COL26A1: variants seen among roughly 807,000 people sequenced by gnomAD.
COL26A1 encodes collagen type XXVI alpha 1 chain, also known as collagen alpha-1(XXVI) chain.
A neutral mutation model predicts 59.3 loss-of-function variants in COL26A1; 41 were observed. That is an observed-to-expected ratio of 0.69 (90% CI 0.54 to 0.90). The LOEUF is 0.90. COL26A1 is among the 40% of genes least tolerant of loss of function. The pLI is 0.00. For synonymous variants in COL26A1, 266 were observed against 256.0 expected (o/e 1.04, Z -0.37); for missense variants, 612 against 602.3 (o/e 1.02, Z -0.17).
chr7:101,461,821 G>A (rs1246591423), intron 3 of COL26A1, among the ~76,000 whole-genome samples: 2 of 152,102 alleles, frequency 1.3e-5, no homozygotes, highest in Non-Finnish European at 2.9e-5. Context: ...TAAGTTCAAG[G>A]TCTCGTCCAC....
chr7:101,432,258 A>T (rs1352075060), intron 2 of COL26A1, among the ~76,000 whole-genome samples: 2 of 152,022 alleles, frequency 1.3e-5, no homozygotes, highest in Admixed American at 1.3e-4. Flanking sequence ...CACCATGTCC[A>T]TCCTGATTTA....
At position 101,445,664 on chromosome 7, in the gene COL26A1, G is replaced by A. The variant is rs377509731; in HGVS notation, c.282-2020G>A. On this transcript the variant is annotated intron_variant, in intron 2 of 12. Transcript: ENST00000313669. ...GGAGAATGGCGTGAACCCGGGAGGC[G>A]GAGCTTGCAGTGAGCCGAGATCCCG... 2.6e-3 allele frequency among the ~76,000 whole-genome samples: 379 copies of A among 148,548 alleles called. 1 individual carries two copies. The highest frequency in any genetic ancestry group is 8.8e-3 in the African/African-American group (354 of 40,362).
At chr7:101,419,863 C>A in intron 1 of COL26A1, 114 bp from the exon 2 acceptor site, 2 of 1,097,252 alleles carry the variant, frequency 1.8e-6, no homozygotes, top group Non-Finnish European at 2.6e-6. Flanking sequence ...TCCAAGAGAG[C>A]GAGCCTCCAC....
In COL26A1 at chr7:101,489,862, CTT is replaced by C. The variant is rs1563008343; in HGVS notation, c.385+42077_385+42078del. On this transcript the variant is annotated intron_variant, in intron 3 of 12. Transcript: ENST00000313669. ...TCTTTCTTTCTTTCTTTCTTTCTTT[CTT>C]TCTTTCTTTCTTTCTTTCTTTCTTT... Among the ~76,000 whole-genome samples the C allele has an allele frequency of 6.9e-4, 31 of 44,922 alleles. 1 individual carries two copies. Among genetic ancestry groups the C allele is most frequent in the South Asian group, 3.5e-3 (4 of 1,146 alleles). 29.5% of individuals were successfully genotyped at this position (44,922 alleles called of 152,430 possible).
intron 3 of COL26A1, among the ~76,000 whole-genome samples, chr7:101,507,989 C>T (rs1794848136): frequency 6.6e-6 from 1 of 152,112 alleles, no homozygotes; most frequent in South Asian, 2.1e-4. Flanking sequence ...TTATGAGGAC[C>T]ATGATATGAT....
chr7:101,430,430 A>C (rs1453980402), intron 2 of COL26A1, among the ~76,000 whole-genome samples: 3 of 151,640 alleles, frequency 2.0e-5, no homozygotes, highest in African/African-American at 7.3e-5. Context: ...CTGGGATTAC[A>C]GGCACGCAGC....
intron 2 of COL26A1, among the ~76,000 whole-genome samples, chr7:101,436,085 CCT>C (rs1282492732): frequency 3.3e-5 from 5 of 151,848 alleles, no homozygotes; most frequent in Admixed American, 6.6e-5. Flanking sequence ...GCAGTGGGGG[CCT>C]GTCTGGGCTG....
At chr7:101,540,570 C>G (rs1029556615) in intron 5 of COL26A1, among the ~76,000 whole-genome samples, 1 of 149,714 alleles carries the variant, frequency 6.7e-6, no homozygotes, top group East Asian at 2.0e-4. Flanking sequence ...ACCATCTGGC[C>G]GAGCATAGTG....
At chr7:101,553,185 T>G in intron 10 of COL26A1, 141 bp from the exon 11 acceptor site, 1 of 671,494 alleles carries the variant, frequency 1.5e-6, no homozygotes, top group South Asian at 1.8e-5. Flanking sequence ...AGGGCAGGAG[T>G]CCCCTGGGCC....
At position 101,397,376 on chromosome 7, in the gene COL26A1, TTCA is replaced by T. The variant is rs1382585745; in HGVS notation, c.159-22598_159-22596del. 4.6e-5 allele frequency among the ~76,000 whole-genome samples: 7 copies of T among 151,880 alleles called. No individual in the cohort carries two copies. In the East Asian group the frequency reaches 1.2e-3, roughly 25 times the overall value. On this transcript the variant is annotated intron_variant, in intron 1 of 12. Transcript: ENST00000313669. ...TCCTTCCTTCCTTCCTTCCTTCTTC[TTCA>T]TCTTCTTTCTTTTTTTTTATCTTTC...
In COL26A1 at chr7:101,455,505, T is replaced by TTC. The variant is rs1446968823; in HGVS notation, c.385+7719_385+7720insCT. On this transcript the variant is annotated intron_variant, in intron 3 of 12. Transcript: ENST00000313669. ...GTTTGGTAAGTTTCTTTTCTTTTCT[T>TTC]TTTTTTTTTTTTTTTGAGACTGAGT... is the stretch of plus-strand genomic sequence containing the variant. 5.9e-4 allele frequency among the ~76,000 whole-genome samples: 76 copies of TTC among 127,958 alleles called. 1 individual carries two copies. The highest frequency in any genetic ancestry group is 1.4e-3 in the Admixed American group (18 of 13,252). The allele number at this position is 127,958 out of a possible 152,430, so 83.9% of individuals were successfully genotyped here.
intron 3 of COL26A1, among the ~76,000 whole-genome samples, chr7:101,463,158 A>T (rs1043505457): frequency 3.9e-5 from 6 of 152,222 alleles, no homozygotes; most frequent in Non-Finnish European, 8.8e-5. Context: ...GTTTTGCAAG[A>T]TTAAAAAGGT....
intron 3 of COL26A1, among the ~76,000 whole-genome samples, chr7:101,493,757 T>TTAA (rs1491327816): frequency 1.4e-5 from 1 of 69,222 alleles, no homozygotes; most frequent in African/African-American, 6.7e-5. Context: ...CCATCTCTAC[T>TTAA]AAAAAAAAAA....
In COL26A1 at chr7:101,447,665, G is replaced by T. The variant is rs1272637892; in HGVS notation, c.282-19G>T. The T allele has an allele frequency of 1.3e-5, 20 of 1,521,794 alleles. No individual in the cohort carries two copies. Among genetic ancestry groups the T allele is most frequent in the Non-Finnish European group, 1.8e-5 (20 of 1,114,174 alleles). The allele number at this position is 1,521,794 out of a possible 1,614,324, so 94.3% of individuals were successfully genotyped here. A position where few individuals can be genotyped will look rare whatever the true frequency, so the allele number is the denominator to read the frequency against. ...GGTGGGTGGGAGCTCATGCCCCCCT[G>T]ACGCTGTCTGTGTGTTAGTTACAGG... is the stretch of plus-strand genomic sequence containing the variant. On this transcript the variant is annotated intron_variant, in intron 2 of 12. Coordinates refer to ENST00000313669, the MANE Select transcript of COL26A1 (RefSeq NM_001278563.3).
At chr7:101,463,822 C>T (rs1400752465) in intron 3 of COL26A1, among the ~76,000 whole-genome samples, 5 of 109,794 alleles carry the variant, frequency 4.6e-5, no homozygotes, top group Non-Finnish European at 9.0e-5. Context: ...CCCTCCCTCC[C>T]TTCCTTCCTC....
intron 1 of COL26A1, among the ~76,000 whole-genome samples, chr7:101,417,849 G>C (rs1792416029): frequency 1.3e-5 from 2 of 151,774 alleles, no homozygotes; most frequent in African/African-American, 4.8e-5. Context: ...AGCCTCCCAA[G>C]TAGCTGGGTC....
At chr7:101,435,455 C>T (rs1461334691) in intron 2 of COL26A1, among the ~76,000 whole-genome samples, 1 of 151,996 alleles carries the variant, frequency 6.6e-6, no homozygotes, top group Non-Finnish European at 1.5e-5. Context: ...TTGCCAGGGT[C>T]GGGGACTCAA....
chr7:101,492,699 A>AAAATAAATAAAT (rs200117030), intron 3 of COL26A1, among the ~76,000 whole-genome samples: 5 of 141,178 alleles, frequency 3.5e-5, no homozygotes, highest in Non-Finnish European at 6.1e-5. Context: ...TCTGTCTCAA[A>AAAATAAATAAAT]AAATAAATAA....
At chr7:101,462,688 G>C (rs545275230) in intron 3 of COL26A1, among the ~76,000 whole-genome samples, 3 of 152,154 alleles carry the variant, frequency 2.0e-5, no homozygotes, top group South Asian at 2.1e-4. Flanking sequence ...ACAGTTCCCC[G>C]TACTGTTTAC....
Sources: gnomAD v4.1 joint callset for allele counts (sites outside exome capture counted in the v4.1 genomes callset) on GRCh38, gnomAD v4.1.1 for gene constraint, MANE v1.5 for transcripts, NCBI Gene and HGNC (gene_info 2026-07-23, HGNC 2026-07-21) for gene names.